FOCAD: variants seen among roughly 807,000 people sequenced by gnomAD.
The protein encoded by FOCAD is KIAA1797.
Under a neutral mutation model 225.6 loss-of-function variants are expected in FOCAD, and 198 were observed. The ratio of observed to expected loss-of-function variants is 0.88; its 90% CI spans 0.78 to 0.99. FOCAD has a LOEUF of 0.99. FOCAD is among the 50% of genes least tolerant of loss of function. The pLI is 0.00. For synonymous variants in FOCAD, 897 were observed against 755.0 expected, an observed-to-expected ratio of 1.19 and a Z score of -3.08; for missense variants, 2,713 against 2,123.6, an observed-to-expected ratio of 1.28 and a Z score of -5.46.
intron 21 of FOCAD, among the ~76,000 whole-genome samples, chr9:20,892,695 G>C (rs1831722149): frequency 6.6e-6 from 1 of 152,084 alleles, no homozygotes. Context: ...TGACAATGCA[G>C]GATTTACAAT....
chr9:20,963,696 A>T (rs1329384259), intron 35 of FOCAD, among the ~76,000 whole-genome samples: 1 of 152,236 alleles, frequency 6.6e-6, no homozygotes, highest in Non-Finnish European at 1.5e-5. Flanking sequence ...GTGCTAAGAA[A>T]ACCCCAAAAA....
At chr9:20,778,089 CAAAAAAAA>C (rs1184354592) in intron 8 of FOCAD, among the ~76,000 whole-genome samples, 3 of 84,184 alleles carry the variant, frequency 3.6e-5, no homozygotes, top group Non-Finnish European at 4.7e-5. Context: ...GACTCCGTCT[CAAAAAAAA>C]AAAAAAAAAA....
intron 28 of FOCAD, among the ~76,000 whole-genome samples, chr9:20,935,308 A>G (rs1835846617): frequency 6.6e-6 from 1 of 152,198 alleles, no homozygotes; most frequent in Admixed American, 6.5e-5. Context: ...ACCTTATATT[A>G]CTAAGACCTT....
chr9:20,956,882 C>T (rs894048613), intron 35 of FOCAD, among the ~76,000 whole-genome samples: 1 of 152,112 alleles, frequency 6.6e-6, no homozygotes, highest in Non-Finnish European at 1.5e-5. Flanking sequence ...TTAGTAGAGA[C>T]GGGACTTCTC....
upstream of FOCAD, chr9:20,684,205 T>TCC (rs1822513210): frequency 6.6e-6 from 1 of 152,324 alleles, no homozygotes; most frequent in South Asian, 2.1e-4. Context: ...ATTGGCTCTC[T>TCC]CCTGCAGTCC....
chr9:20,766,767 T>G lies in FOCAD; in HGVS notation c.699+1694T>G, dbSNP rs199855319. On this transcript the variant is annotated intron_variant, in intron 7 of 43. Coordinates refer to ENST00000338382, the MANE Select transcript of FOCAD (RefSeq NM_001375567.1). ...CAGGAATTTTCTAGTTTATTGTTGC[T>G]CAAAATATGCTACTATGAAATGATC... is the stretch of plus-strand genomic sequence containing the variant. Among the ~76,000 whole-genome samples the G allele has an allele frequency of 3.9e-5, 6 of 152,212 alleles. No homozygotes were observed. The East Asian group carries it at 1.2e-3, about 29-fold the overall frequency.
intron 2 of FOCAD, among the ~76,000 whole-genome samples, chr9:20,665,582 A>G (rs920317603): frequency 3.3e-5 from 5 of 152,216 alleles, no homozygotes; most frequent in African/African-American, 4.8e-5. Context: ...TATGAGAGTA[A>G]AAGGAAAAGA....
chr9:20,787,926 T>A (rs1480238878), intron 10 of FOCAD, among the ~76,000 whole-genome samples: 2 of 152,228 alleles, frequency 1.3e-5, no homozygotes, highest in African/African-American at 4.8e-5. Context: ...TTGTTTTTAC[T>A]GTGACATTTA....
intron 11 of FOCAD, among the ~76,000 whole-genome samples, chr9:20,798,681 G>A (rs201421168): frequency 3.3e-5 from 5 of 151,994 alleles, no homozygotes; most frequent in South Asian, 4.2e-4. Context: ...TCTCTGTGGG[G>A]TCGGTGGTGA....
intron 5 of FOCAD, among the ~76,000 whole-genome samples, chr9:20,757,772 A>T (rs997553884): frequency 2.6e-5 from 4 of 152,124 alleles, no homozygotes; most frequent in Admixed American, 1.3e-4. Flanking sequence ...GGGGATGGAT[A>T]TGAGAGAGCT....
At chr9:20,817,380 C>A (rs147455033) in intron 11 of FOCAD, among the ~76,000 whole-genome samples, 1,953 of 152,150 alleles carry the variant, frequency 0.013, 42 homozygotes, top group African/African-American at 0.045. Context: ...TCCTGACCAC[C>A]CCCTGCTTCT....
chr9:20,786,883 T>G (rs1423884382), intron 10 of FOCAD: 1 of 268,510 alleles, frequency 3.7e-6, no homozygotes, highest in Non-Finnish European at 7.5e-6. Flanking sequence ...AACATAAACC[T>G]TTTATTTTTA....
chr9:20,732,624 A>G (rs975185773), intron 4 of FOCAD, among the ~76,000 whole-genome samples: 6 of 152,156 alleles, frequency 3.9e-5, no homozygotes, highest in Non-Finnish European at 5.9e-5. Context: ...TAGTGATTCC[A>G]CAAAAGGCCA....
chr9:20,669,445 GA>G (rs1239490817), intron 2 of FOCAD, among the ~76,000 whole-genome samples: 1 of 152,150 alleles, frequency 6.6e-6, no homozygotes, highest in Admixed American at 6.5e-5. Flanking sequence ...GTCAAGATTG[GA>G]TATGTGTTGC....
chr9:20,770,069 T>G lies in FOCAD; in HGVS notation c.737T>G (p.Phe246Cys). ...DLIQTTEAMM[F>C]IEEVCLSLLR... ...ATACAGACAACAGAGGCGATGATGTTTATTGAGGAAGTATGTTTAAGCCTT... is the reference window on the plus strand; with the variant it reads ...ATACAGACAACAGAGGCGATGATGTGTATTGAGGAAGTATGTTTAAGCCTT... The change falls in exon 8 of 44, where the codon TTT becomes TGT. Residue 246 changes from phenylalanine to cysteine, a missense_variant. By Grantham distance (205) the Phe-to-Cys change is radical. Coordinates refer to ENST00000338382, the MANE Select transcript of FOCAD (RefSeq NM_001375567.1). The G allele has an allele frequency of 6.2e-7, 1 of 1,614,060 alleles. No individual in the cohort carries two copies. The highest frequency in any genetic ancestry group is 1.7e-4 in the Middle Eastern group (1 of 6,060).
intron 11 of FOCAD, among the ~76,000 whole-genome samples, chr9:20,800,479 G>C (rs547954486): frequency 1.9e-4 from 29 of 152,154 alleles, no homozygotes; most frequent in African/African-American, 6.5e-4. Context: ...TCACTTTCAG[G>C]TACACCAATC....
intron 10 of FOCAD, among the ~76,000 whole-genome samples, chr9:20,788,839 A>G (rs908663517): frequency 6.6e-6 from 1 of 152,202 alleles, no homozygotes; most frequent in African/African-American, 2.4e-5. Flanking sequence ...AGAAGTTACA[A>G]TTATTAATGA....
upstream of FOCAD, among the ~76,000 whole-genome samples, chr9:20,658,110 C>T (rs956798298): frequency 2.0e-5 from 3 of 150,632 alleles, no homozygotes; most frequent in African/African-American, 7.3e-5. Flanking sequence ...GGTCAGGGAC[C>T]CACTTGAGGA....
chr9:20,976,205 A>C (rs530373925), intron 35 of FOCAD: 1 of 263,920 alleles, frequency 3.8e-6, no homozygotes, highest in African/African-American at 2.2e-5. Context: ...TTATTGAAAA[A>C]TTTATAAAAA....
Sources: gnomAD v4.1 joint callset for allele counts (sites outside exome capture counted in the v4.1 genomes callset) on GRCh38, gnomAD v4.1.1 for gene constraint, MANE v1.5 for transcripts, NCBI Gene and HGNC (gene_info 2026-07-23, HGNC 2026-07-21) for gene names.